GRIK2: variants seen among roughly 807,000 people sequenced by gnomAD.
GRIK2 encodes glutamate receptor ionotropic, kainate 2.
Under a neutral mutation model 100.3 loss-of-function variants are expected in GRIK2, and 32 were observed. The observed-to-expected ratio is 0.32, with a 90% CI of 0.24 to 0.43. The LOEUF is 0.43. Ranked by LOEUF, GRIK2 falls within the 20% of genes least tolerant of loss-of-function variation. GRIK2 has a pLI of 1.00. For synonymous variants in GRIK2, 417 were observed against 389.4 expected (o/e 1.07, Z -0.83); for missense variants, 843 against 1,114.9 (o/e 0.76, Z 3.47).
In GRIK2 at chr6:101,777,593, A is replaced by AT. The variant is rs368249616; in HGVS notation, c.952-22046dup. 2.2e-3 allele frequency among the ~76,000 whole-genome samples: 333 copies of AT among 151,842 alleles called. 1 individual carries two copies. The highest frequency in any genetic ancestry group is 5.9e-3 in the African/African-American group (243 of 41,444). ...AAAATGAGGAAACAAGGCAATAGGG[A>AT]TTTTTTTTTATTATTTTCTTTAGTA... On this transcript the variant is annotated intron_variant, in intron 7 of 16. Transcript: ENST00000369134.
chr6:101,399,981 A>G (rs1775200121), intron 2 of GRIK2, among the ~76,000 whole-genome samples: 1 of 152,166 alleles, frequency 6.6e-6, no homozygotes, highest in African/African-American at 2.4e-5. Flanking sequence ...AAAATGTTCT[A>G]AGATTCGAGG....
intron 3 of GRIK2, among the ~76,000 whole-genome samples, chr6:101,625,696 G>T (rs1267805296): frequency 6.6e-6 from 1 of 152,032 alleles, no homozygotes; most frequent in Non-Finnish European, 1.5e-5. Context: ...TTATTGATAT[G>T]AATAAAATTT....
intron 11 of GRIK2, among the ~76,000 whole-genome samples, chr6:101,875,323 T>G (rs567229067): frequency 6.6e-6 from 1 of 151,998 alleles, no homozygotes; most frequent in South Asian, 2.1e-4. Context: ...CTCTTGTCCT[T>G]TATCTTGGGG....
intron 7 of GRIK2, among the ~76,000 whole-genome samples, chr6:101,788,838 G>A (rs1283441590): frequency 3.9e-5 from 6 of 152,106 alleles, no homozygotes; most frequent in East Asian, 1.9e-4. Flanking sequence ...CAGTGTAAAA[G>A]TGTTCCTATT....
At chr6:101,528,031 C>T (rs1775239837) in intron 2 of GRIK2, among the ~76,000 whole-genome samples, 1 of 152,052 alleles carries the variant, frequency 6.6e-6, no homozygotes, top group South Asian at 2.1e-4. Context: ...CCAGCTTTAC[C>T]ACTTAGTGTG....
chr6:101,856,785 C>T (rs974076931), intron 10 of GRIK2, among the ~76,000 whole-genome samples: 1 of 152,014 alleles, frequency 6.6e-6, no homozygotes, highest in East Asian at 1.9e-4. Flanking sequence ...AATTTTCTGA[C>T]AAATGCAGGC....
chr6:101,448,813 G>T (rs1366280482), intron 2 of GRIK2, among the ~76,000 whole-genome samples: 2 of 151,578 alleles, frequency 1.3e-5, no homozygotes, highest in African/African-American at 4.8e-5. Flanking sequence ...CCATAGCTTG[G>T]ACTTTGGGTA....
chr6:101,817,562 A>G (rs1279901022), intron 9 of GRIK2, among the ~76,000 whole-genome samples: 1 of 152,294 alleles, frequency 6.6e-6, no homozygotes, highest in Non-Finnish European at 1.5e-5. Flanking sequence ...TGATAGTGCA[A>G]TGGTATAAGT....
At chr6:101,725,560 C>T (rs1009324362) in intron 7 of GRIK2, among the ~76,000 whole-genome samples, 1 of 151,986 alleles carries the variant, frequency 6.6e-6, no homozygotes, top group East Asian at 1.9e-4. Flanking sequence ...GTATAGAAGA[C>T]ATTTTTCTTT....
At chr6:101,467,527 G>A (rs1313874193) in intron 2 of GRIK2, among the ~76,000 whole-genome samples, 2 of 152,126 alleles carry the variant, frequency 1.3e-5, no homozygotes, top group African/African-American at 4.8e-5. Context: ...GCAAGCTTAA[G>A]GTAAGCTAAA....
At chr6:101,733,497 C>T (rs184728942) in intron 7 of GRIK2, among the ~76,000 whole-genome samples, 15 of 152,124 alleles carry the variant, frequency 9.9e-5, no homozygotes, top group Admixed American at 5.9e-4. Flanking sequence ...TGGCATAATC[C>T]TGTCTTTATT....
intron 2 of GRIK2, among the ~76,000 whole-genome samples, chr6:101,490,338 A>C: frequency 6.8e-6 from 1 of 146,724 alleles, no homozygotes; most frequent in Non-Finnish European, 1.5e-5. Context: ...AATTTAAGAA[A>C]CTTCTCCAAA....
At chr6:101,875,770 C>T (rs969239150) in intron 11 of GRIK2, among the ~76,000 whole-genome samples, 1 of 151,786 alleles carries the variant, frequency 6.6e-6, no homozygotes, top group Admixed American at 6.6e-5. Flanking sequence ...ATATTGATAA[C>T]CAATATTTTA....
At chr6:101,519,624 G>T (rs936442711) in intron 2 of GRIK2, among the ~76,000 whole-genome samples, 1 of 151,958 alleles carries the variant, frequency 6.6e-6, no homozygotes, top group African/African-American at 2.4e-5. Context: ...AATCTTGAGA[G>T]AAAGTGGGAT....
chr6:101,744,559 T>TACACACATATATATATATATA (rs1776302641), intron 7 of GRIK2: 2 of 111,496 alleles, frequency 1.8e-5, no homozygotes, highest in African/African-American at 8.0e-5. Flanking sequence ...TATATATATA[T>TACACACATATATATATATATA]CACAATTTCT....
At position 101,487,921 on chromosome 6, in the gene GRIK2, A is replaced by G. The variant is rs917981018; in HGVS notation, c.115+88529A>G. Among the ~76,000 whole-genome samples the G allele has an allele frequency of 2.7e-5, 4 of 146,364 alleles. 1 individual carries two copies. The highest frequency in any genetic ancestry group is 7.8e-5 in the African/African-American group (3 of 38,424). On this transcript the variant is annotated intron_variant, in intron 2 of 16. Coordinates refer to ENST00000369134, the MANE Select transcript of GRIK2 (RefSeq NM_021956.5). Reference sequence around the variant, plus strand: ...AATGTTATTTTATTTTATTAGCAGAAAAAATACTATCCACTACGGGAAAAA... The same window carrying G: ...AATGTTATTTTATTTTATTAGCAGAGAAAATACTATCCACTACGGGAAAAA...
chr6:102,027,832 C>T (rs11961464), intron 14 of GRIK2, among the ~76,000 whole-genome samples: 1 of 150,926 alleles, frequency 6.6e-6, no homozygotes, highest in Admixed American at 6.6e-5. Flanking sequence ...ATTTGTGTAC[C>T]TAAGATATCT....
chr6:101,887,639 G>A lies in GRIK2; in HGVS notation c.1525-2001G>A, dbSNP rs151242567. 5.9e-5 allele frequency among the ~76,000 whole-genome samples: 9 copies of A among 152,228 alleles called. No homozygotes were observed. The East Asian group carries it at 1.7e-3, about 30-fold the overall frequency. ...TACAGTTCTGTAAGCTGTATAGGAAGCATGGCTATGGAAGCCTCAGGAAAC... is the reference window on the plus strand; with the variant it reads ...TACAGTTCTGTAAGCTGTATAGGAAACATGGCTATGGAAGCCTCAGGAAAC... On this transcript the variant is annotated intron_variant, in intron 11 of 16. Transcript: ENST00000369134.
chr6:101,794,412 T>C (rs1780143143), intron 7 of GRIK2, among the ~76,000 whole-genome samples: 1 of 152,164 alleles, frequency 6.6e-6, no homozygotes. Flanking sequence ...AAAAAATCCA[T>C]TCAGCTAGTC....
Sources: allele counts gnomAD v4.1 joint callset (sites outside exome capture counted in the v4.1 genomes callset), GRCh38; gene constraint gnomAD v4.1.1; transcripts MANE v1.5; gene names NCBI Gene and HGNC (gene_info 2026-07-23, HGNC 2026-07-21).